ZNF69: variants seen among roughly 807,000 people sequenced by gnomAD.
The protein encoded by ZNF69 is zinc finger protein 69.
ZNF69 carries 47 observed loss-of-function variants against 50.9 expected under a neutral mutation model. The ratio of observed to expected loss-of-function variants is 0.92; its 90% CI spans 0.73 to 1.18. ZNF69 has a LOEUF of 1.18. Among genes scored for constraint, ZNF69 ranks in the 50% most tolerant of loss-of-function variants. The probability of loss-of-function intolerance (pLI) is 0.00; values close to 1 mark genes in which losing one functional copy is unlikely to be tolerated. For synonymous variants in ZNF69, 216 were observed against 223.1 expected (o/e 0.97, Z 0.29); for missense variants, 717 against 675.1 (o/e 1.06, Z -0.69).
At chr19:11,903,067 T>TA (rs1568277795) in intron 1 of ZNF69, among the ~76,000 whole-genome samples, 2 of 151,452 alleles carry the variant, frequency 1.3e-5, no homozygotes, top group African/African-American at 2.4e-5. Context: ...AACCCAGGAG[T>TA]AAGAGGTTGT....
chr19:11,928,942 T>TA, the ZNF69 span, among the ~76,000 whole-genome samples: 10 of 146,368 alleles, frequency 6.8e-5, no homozygotes, highest in East Asian at 1.4e-3. Flanking sequence ...TAATATAAGT[T>TA]AAAAAAAATA....
At chr19:11,947,073 A>G in the ZNF69 span, 1 of 1,489,102 alleles carries the variant, frequency 6.7e-7, no homozygotes, top group Non-Finnish European at 9.0e-7. Context: ...GAAGCAGGGA[A>G]TAAATGTTTG....
the ZNF69 span, chr19:11,979,694 C>T: frequency 5.2e-6 from 8 of 1,539,740 alleles, no homozygotes. Context: ...TGGGACTCAC[C>T]CTGAAGAGAA....
At chr19:11,901,969 T>C (rs1972253667) in intron 1 of ZNF69, among the ~76,000 whole-genome samples, 1 of 151,080 alleles carries the variant, frequency 6.6e-6, no homozygotes. Flanking sequence ...TAGGCCAAGA[T>C]GTTATTTTCT....
At chr19:11,913,647 C>A (rs561654908) in exon 5 of ZNF69, 10 of 285,650 alleles carry the variant, frequency 3.5e-5, no homozygotes, top group African/African-American at 2.2e-4. Context: ...CCTCGGCCTC[C>A]CAAAATGCTG....
chr19:11,892,341 C>T (rs1002744953), intron 1 of ZNF69, among the ~76,000 whole-genome samples: 3 of 152,064 alleles, frequency 2.0e-5, no homozygotes, highest in African/African-American at 7.3e-5. Context: ...TTCTTTCTAG[C>T]TGTTTTTTAT....
At chr19:11,892,089 C>T (rs1016683747) in intron 1 of ZNF69, among the ~76,000 whole-genome samples, 32 of 151,746 alleles carry the variant, frequency 2.1e-4, no homozygotes, top group Non-Finnish European at 3.8e-4. Context: ...GCACCTCAGC[C>T]TCCCAAGTAG....
intron 1 of ZNF69, among the ~76,000 whole-genome samples, chr19:11,896,968 T>C (rs1314569376): frequency 1.3e-5 from 2 of 152,200 alleles, no homozygotes; most frequent in Non-Finnish European, 2.9e-5. Context: ...TCATTTTATA[T>C]TGATGTTTTT....
chr19:11,961,466 A>G, the ZNF69 span, among the ~76,000 whole-genome samples: 1 of 152,172 alleles, frequency 6.6e-6, no homozygotes, highest in African/African-American at 2.4e-5. Context: ...TTAACCATAT[A>G]CTGTCATACA....
the ZNF69 span, among the ~76,000 whole-genome samples, chr19:11,924,072 T>C: frequency 6.6e-6 from 1 of 152,176 alleles, no homozygotes; most frequent in African/African-American, 2.4e-5. Context: ...TCTGGAGCTG[T>C]CTTCTGGGCA....
the ZNF69 span, chr19:11,978,782 T>C: frequency 6.2e-7 from 1 of 1,614,164 alleles, no homozygotes. Flanking sequence ...CATATGAATG[T>C]AAACAATGTG....
chr19:11,894,163 C>T (rs1209645386), intron 1 of ZNF69, among the ~76,000 whole-genome samples: 2 of 152,198 alleles, frequency 1.3e-5, no homozygotes, highest in East Asian at 3.9e-4. Flanking sequence ...TTCATCTATC[C>T]TAAAAACAGA....
chr19:11,965,229 G>A, the ZNF69 span: 2 of 1,613,868 alleles, frequency 1.2e-6, no homozygotes, highest in South Asian at 1.1e-5. Flanking sequence ...TGCATAGCCG[G>A]TTGTCCCGAG....
At chr19:11,956,545 AC>A in the ZNF69 span, 1 of 398,552 alleles carries the variant, frequency 2.5e-6, no homozygotes, top group Non-Finnish European at 4.4e-6. Flanking sequence ...CCAGTGAGAA[AC>A]CTACAAAGAG....
chr19:11,978,416 G>A, the ZNF69 span: 1 of 1,614,150 alleles, frequency 6.2e-7, no homozygotes, highest in Non-Finnish European at 8.5e-7. Context: ...CACAAGAAAG[G>A]AATCACACCG....
chr19:11,923,505 T>C, the ZNF69 span, among the ~76,000 whole-genome samples: 1 of 152,204 alleles, frequency 6.6e-6, no homozygotes, highest in East Asian at 1.9e-4. Context: ...GCCGCACTGC[T>C]GCAGAGCCCA....
At chr19:11,915,936 C>T (rs1972518017), downstream of ZNF69, among the ~76,000 whole-genome samples, 1 of 152,074 alleles carries the variant, frequency 6.6e-6, no homozygotes, top group African/African-American at 2.4e-5. Context: ...CTTGGTTCTT[C>T]CCCTGATGCC....
chr19:11,947,706 A>G, the ZNF69 span: 3 of 967,196 alleles, frequency 3.1e-6, no homozygotes, highest in Middle Eastern at 2.2e-4. Flanking sequence ...TTTTCTCAAA[A>G]AACATATATT....
the ZNF69 span, chr19:11,978,552 C>T: frequency 6.2e-7 from 1 of 1,614,170 alleles, no homozygotes; most frequent in Non-Finnish European, 8.5e-7. Flanking sequence ...GAAAGCTGTC[C>T]ATTGTCTCAG....
Sources: gnomAD v4.1 joint callset for allele counts (sites outside exome capture counted in the v4.1 genomes callset) on GRCh38, gnomAD v4.1.1 for gene constraint, MANE v1.5 for transcripts, NCBI Gene and HGNC (gene_info 2026-07-23, HGNC 2026-07-21) for gene names.